SSH2: variants seen among roughly 807,000 people sequenced by gnomAD.
The protein encoded by SSH2 is protein phosphatase Slingshot homolog 2.
In SSH2, 37 loss-of-function variants were observed where a neutral mutation model predicts 135.2. The observed-to-expected ratio is 0.27, with a 90% CI of 0.21 to 0.36. The LOEUF is 0.36. Among genes scored for constraint, SSH2 ranks in the 10% least tolerant of loss-of-function variants. SSH2 has a pLI of 1.00. For missense variants in SSH2, 1,408 were observed against 1,765.3 expected (o/e 0.80, Z 3.63); for synonymous variants, 628 against 646.2 (o/e 0.97, Z 0.43).
chr17:29,761,872 T>TGTGTGG (rs2041323152), intron 3 of SSH2, among the ~76,000 whole-genome samples: 1 of 89,904 alleles, frequency 1.1e-5, no homozygotes, highest in African/African-American at 5.2e-5. Context: ...TGTGTGTGTG[T>TGTGTGG]ATATATATAT....
chr17:29,742,581 G>A (rs1210860260), intron 3 of SSH2, among the ~76,000 whole-genome samples: 1 of 135,752 alleles, frequency 7.4e-6, no homozygotes, highest in Non-Finnish European at 1.5e-5. Context: ...CAGTTCTCCC[G>A]CCTTAGTCTT....
chr17:29,791,917 C>CTTTTTTTTTTTTTTTTTTTTTT (rs36064413), intron 3 of SSH2, among the ~76,000 whole-genome samples: 1 of 128,334 alleles, frequency 7.8e-6, no homozygotes, highest in Non-Finnish European at 1.7e-5. Context: ...TCTTCTTCCT[C>CTTTTTTTTTTTTTTTTTTTTTT]TTTTTTTTTT....
At chr17:29,666,466 T>A (rs909311844) in intron 11 of SSH2, among the ~76,000 whole-genome samples, 28 of 152,274 alleles carry the variant, frequency 1.8e-4, no homozygotes, top group Admixed American at 1.0e-3. Context: ...GCAGATCACC[T>A]GAGGTCAGGA....
rs192211979 is a variant in SSH2, at chr17:29,652,696, C to T, written c.1080-1896G>A. 2.6e-3 allele frequency among the ~76,000 whole-genome samples: 390 copies of T among 152,150 alleles called. 6 individuals are homozygous for T. Among genetic ancestry groups the T allele is most frequent in the Non-Finnish European group, 6.0e-4 (41 of 67,978 alleles). ...TCCCCAAGATGGAGGCTTGCTCTGT[C>T]GCCCAGATCTGGAGTGCAATGGCAC... On this transcript the variant is annotated intron_variant, in intron 12 of 15. Coordinates refer to ENST00000540801, the MANE Select transcript of SSH2 (RefSeq NM_001282129.2).
At chr17:29,690,951 T>C (rs943176121) in intron 5 of SSH2, among the ~76,000 whole-genome samples, 8 of 151,136 alleles carry the variant, frequency 5.3e-5, no homozygotes, top group Admixed American at 2.0e-4. Context: ...CACACACACA[T>C]AGACACACAC....
At chr17:29,680,431 A>G (rs1161300597) in intron 6 of SSH2, among the ~76,000 whole-genome samples, 1 of 151,496 alleles carries the variant, frequency 6.6e-6, no homozygotes, top group African/African-American at 2.4e-5. Flanking sequence ...GACACCTGTA[A>G]TCCCAGCTAC....
At chr17:29,855,123 T>TTC (rs2065638578) in intron 1 of SSH2, among the ~76,000 whole-genome samples, 1 of 152,118 alleles carries the variant, frequency 6.6e-6, no homozygotes, top group African/African-American at 2.4e-5. Flanking sequence ...TTTCATCCTC[T>TTC]CCTCTTTTTT....
intron 3 of SSH2, among the ~76,000 whole-genome samples, chr17:29,766,504 A>C (rs1195582214): frequency 6.6e-6 from 1 of 151,802 alleles, no homozygotes; most frequent in East Asian, 1.9e-4. Flanking sequence ...ATATATGCAA[A>C]TTTCCCCTAT....
At chr17:29,864,192 C>G (rs1599111218) in intron 1 of SSH2, 1 of 152,078 alleles carries the variant, frequency 6.6e-6, no homozygotes, top group Non-Finnish European at 1.5e-5. Context: ...GTAATCTCAG[C>G]TACTCAGGAG....
intron 3 of SSH2, among the ~76,000 whole-genome samples, chr17:29,738,921 G>C (rs966079464): frequency 1.3e-5 from 2 of 152,112 alleles, no homozygotes; most frequent in Non-Finnish European, 2.9e-5. Context: ...AAGCATAATT[G>C]TTTGAATCAA....
chr17:29,749,248 TGAGA>T (rs2040854560), intron 3 of SSH2, among the ~76,000 whole-genome samples: 1 of 152,154 alleles, frequency 6.6e-6, no homozygotes, highest in Non-Finnish European at 1.5e-5. Flanking sequence ...ACCAAAGCAA[TGAGA>T]GTTATAAATA....
At chr17:29,893,882 G>T (rs1279477138) in intron 1 of SSH2, among the ~76,000 whole-genome samples, 1 of 151,946 alleles carries the variant, frequency 6.6e-6, no homozygotes, top group Non-Finnish European at 1.5e-5. Flanking sequence ...AAATTGAGTT[G>T]GGAAACACAT....
chr17:29,738,412 A>G (rs1296797653), intron 3 of SSH2, among the ~76,000 whole-genome samples: 1 of 152,224 alleles, frequency 6.6e-6, no homozygotes, highest in Non-Finnish European at 1.5e-5. Flanking sequence ...CTTTACAGCA[A>G]CATGATTTAT....
intron 3 of SSH2, among the ~76,000 whole-genome samples, chr17:29,741,934 CTTTTTTTTTTTT>C (rs71138848): frequency 2.0e-5 from 2 of 97,910 alleles, no homozygotes; most frequent in African/African-American, 4.0e-5. Flanking sequence ...ATTTTTTTTT[CTTTTTTTTTTTT>C]TTTTTTTTGA....
At chr17:29,767,375 T>C (rs1051850036) in intron 3 of SSH2, among the ~76,000 whole-genome samples, 3 of 97,726 alleles carry the variant, frequency 3.1e-5, no homozygotes, top group Non-Finnish European at 6.0e-5. Flanking sequence ...TTTTCTTTTT[T>C]CTTTTTTTTT....
intron 5 of SSH2, among the ~76,000 whole-genome samples, chr17:29,691,656 A>AATTTTTTGT (rs1271344840): frequency 6.6e-6 from 1 of 151,576 alleles, no homozygotes; most frequent in Non-Finnish European, 1.5e-5. Context: ...ACGCCCGGCT[A>AATTTTTTGT]ATTTTTTGTA....
At chr17:29,871,102 T>G (rs1287296821) in intron 1 of SSH2, among the ~76,000 whole-genome samples, 1 of 152,082 alleles carries the variant, frequency 6.6e-6, no homozygotes, top group Non-Finnish European at 1.5e-5. Context: ...ATTTTTGGAA[T>G]GAAACTCTGG....
intron 1 of SSH2, among the ~76,000 whole-genome samples, chr17:29,854,842 G>A (rs1161645518): frequency 6.6e-6 from 1 of 152,152 alleles, no homozygotes; most frequent in Non-Finnish European, 1.5e-5. Context: ...AGCTACTCGG[G>A]AGGCTGAGGC....
intron 3 of SSH2, among the ~76,000 whole-genome samples, chr17:29,758,300 G>A (rs71371133): frequency 1.3e-5 from 2 of 152,164 alleles, no homozygotes; most frequent in Admixed American, 1.3e-4. Flanking sequence ...CAGTGGCCTA[G>A]GAAATAGATC....
Sources: allele counts gnomAD v4.1 joint callset (sites outside exome capture counted in the v4.1 genomes callset), GRCh38; gene constraint gnomAD v4.1.1; transcripts MANE v1.5; gene names NCBI Gene and HGNC (gene_info 2026-07-23, HGNC 2026-07-21).